The following RBFOX1 variants were observed in gnomAD, a reference collection of about 807,000 sequenced individuals.
RBFOX1 encodes the protein RNA binding fox-1 homolog 1.
A neutral mutation model predicts 57.7 loss-of-function variants in RBFOX1; 8 were observed. The observed-to-expected ratio is 0.14, with a 90% CI of 0.08 to 0.25. RBFOX1 has a LOEUF of 0.25. Among genes scored for constraint, RBFOX1 ranks in the 10% least tolerant of loss-of-function variants. The probability of loss-of-function intolerance (pLI) is 1.00; values close to 1 mark genes in which losing one functional copy is unlikely to be tolerated. For synonymous variants in RBFOX1, 326 were observed against 222.4 expected, an observed-to-expected ratio of 1.47 and a Z score of -4.15; for missense variants, 611 against 548.5, an observed-to-expected ratio of 1.11 and a Z score of -1.14.
At chr16:7,677,892 T>G (rs2073811960) in intron 14 of RBFOX1, among the ~76,000 whole-genome samples, 1 of 152,190 alleles carries the variant, frequency 6.6e-6, no homozygotes, top group African/African-American at 2.4e-5. Flanking sequence ...ACCTGGCCTG[T>G]TGTGATGTAG....
At chr16:5,581,724 C>G (rs12599655) in intron 2 of RBFOX1, among the ~76,000 whole-genome samples, 3,994 of 152,082 alleles carry the variant, frequency 0.026, 66 homozygotes, top group Middle Eastern at 0.071. Context: ...ATGCAAGGGT[C>G]AAAAAGAAAC....
At chr16:6,184,718 C>A (rs896938858) in intron 1 of RBFOX1, among the ~76,000 whole-genome samples, 1 of 138,296 alleles carries the variant, frequency 7.2e-6, no homozygotes, top group African/African-American at 2.7e-5. Context: ...TGCCACCATG[C>A]CTGGCTCATT....
chr16:5,301,412 G>A (rs908681439), intron 1 of RBFOX1, among the ~76,000 whole-genome samples: 35 of 152,078 alleles, frequency 2.3e-4, no homozygotes, highest in African/African-American at 8.0e-4. Flanking sequence ...GAGGTCAGGA[G>A]ATTGAGACCA....
At chr16:5,538,918 C>G (rs761905002) in intron 2 of RBFOX1, among the ~76,000 whole-genome samples, 6 of 148,608 alleles carry the variant, frequency 4.0e-5, no homozygotes, top group Non-Finnish European at 7.5e-5. Flanking sequence ...TTGCACAATT[C>G]TTATATCTAG....
At chr16:7,534,408 T>C (rs1435733041) in intron 5 of RBFOX1, among the ~76,000 whole-genome samples, 3 of 151,984 alleles carry the variant, frequency 2.0e-5, no homozygotes, top group African/African-American at 7.2e-5. Flanking sequence ...AGCAACTCTT[T>C]AAACACTGAG....
chr16:5,833,095 G>T (rs949985060), intron 3 of RBFOX1, among the ~76,000 whole-genome samples: 15 of 152,060 alleles, frequency 9.9e-5, no homozygotes, highest in Admixed American at 7.9e-4. Context: ...ACAATGCAAG[G>T]GTCTGGGTAA....
At chr16:6,832,877 G>C (rs2092808819) in intron 3 of RBFOX1, among the ~76,000 whole-genome samples, 1 of 152,212 alleles carries the variant, frequency 6.6e-6, no homozygotes. Flanking sequence ...CTAGACCTTG[G>C]TTCTGGATTG....
chr16:6,733,172 T>A (rs759208), intron 3 of RBFOX1, among the ~76,000 whole-genome samples: 137,631 of 151,982 alleles, frequency 0.91, 63,942 homozygotes, highest in East Asian at 1. Flanking sequence ...ACCCCTCATC[T>A]CCCATAGGTC....
chr16:5,591,971 C>T (rs190588210), intron 2 of RBFOX1, among the ~76,000 whole-genome samples: 40 of 152,310 alleles, frequency 2.6e-4, no homozygotes, highest in Admixed American at 2.2e-3. Flanking sequence ...ATACTTGTTG[C>T]CCTAGAGTCT....
chr16:6,416,148 G>A (rs185347388), intron 2 of RBFOX1, among the ~76,000 whole-genome samples: 1 of 152,202 alleles, frequency 6.6e-6, no homozygotes, highest in African/African-American at 2.4e-5. Flanking sequence ...GGAACATGGT[G>A]CAGCAGTGTC....
intron 3 of RBFOX1, among the ~76,000 whole-genome samples, chr16:6,903,060 G>A (rs1219234242): frequency 6.6e-6 from 1 of 152,142 alleles, no homozygotes; most frequent in African/African-American, 2.4e-5. Context: ...GGTTTTGTGA[G>A]CATCTGTTGG....
At chr16:6,148,371 C>A (rs1290611965) in intron 1 of RBFOX1, among the ~76,000 whole-genome samples, 1 of 152,154 alleles carries the variant, frequency 6.6e-6, no homozygotes, top group African/African-American at 2.4e-5. Context: ...GTCATACTTC[C>A]TTGTTCATTT....
intron 1 of RBFOX1, among the ~76,000 whole-genome samples, chr16:6,222,283 C>A (rs1005758528): frequency 6.6e-6 from 1 of 152,082 alleles, no homozygotes; most frequent in Non-Finnish European, 1.5e-5. Flanking sequence ...TATTTCTGAC[C>A]TTCTTCTATA....
intron 2 of RBFOX1, among the ~76,000 whole-genome samples, chr16:6,536,417 C>T (rs879432095): frequency 1.1e-4 from 17 of 152,196 alleles, no homozygotes; most frequent in Non-Finnish European, 1.8e-4. Flanking sequence ...CTATTGTCCT[C>T]CCCTGTTGAC....
chr16:6,445,917 C>T (rs115009700), intron 2 of RBFOX1, among the ~76,000 whole-genome samples: 3 of 151,936 alleles, frequency 2.0e-5, no homozygotes, highest in Admixed American at 6.6e-5. Flanking sequence ...TCATTTGATT[C>T]AGCATCCCTG....
intron 3 of RBFOX1, among the ~76,000 whole-genome samples, chr16:5,720,073 A>G (rs946900831): frequency 6.6e-6 from 1 of 151,840 alleles, no homozygotes; most frequent in Non-Finnish European, 1.5e-5. Flanking sequence ...CATCCTCACC[A>G]ACACTTGGTA....
At chr16:7,233,043 C>A (rs1448047215) in intron 4 of RBFOX1, among the ~76,000 whole-genome samples, 1 of 152,098 alleles carries the variant, frequency 6.6e-6, no homozygotes, top group Non-Finnish European at 1.5e-5. Flanking sequence ...CCTTTTCAAT[C>A]CCTTTTGCTT....
chr16:7,649,534 C>G (rs2064498931), intron 11 of RBFOX1, among the ~76,000 whole-genome samples: 1 of 152,156 alleles, frequency 6.6e-6, no homozygotes, highest in Non-Finnish European at 1.5e-5. Flanking sequence ...GTTCGAACAC[C>G]TCTAATGGTT....
At chr16:7,508,230 G>C (rs551980845) in intron 4 of RBFOX1, among the ~76,000 whole-genome samples, 1 of 151,872 alleles carries the variant, frequency 6.6e-6, no homozygotes, top group Non-Finnish European at 1.5e-5. Context: ...CGCACGCCTC[G>C]GCCTTCCTAA....
Sources: gnomAD v4.1 joint callset for allele counts (sites outside exome capture counted in the v4.1 genomes callset) on GRCh38, gnomAD v4.1.1 for gene constraint, MANE v1.5 for transcripts, NCBI Gene and HGNC (gene_info 2026-07-23, HGNC 2026-07-21) for gene names.